The following MRPS15 variants were observed in gnomAD, a reference collection of about 807,000 sequenced individuals.
The protein encoded by MRPS15 is small ribosomal subunit protein uS15m.
A neutral mutation model predicts 30.7 loss-of-function variants in MRPS15; 25 were observed. The observed-to-expected ratio is 0.81, with a 90% CI of 0.59 to 1.14. The LOEUF is 1.14. MRPS15 is among the 50% of genes most tolerant of loss of function. The pLI, the probability that MRPS15 is intolerant of heterozygous loss-of-function variation, is 0.00. For missense variants in MRPS15, 313 were observed against 321.7 expected (o/e 0.97, Z 0.21); for synonymous variants, 124 against 120.1 (o/e 1.03, Z -0.21).
At chr1:36,457,881 C>T (rs770100847) in intron 6 of MRPS15, 42 bp downstream of exon 6, 3 of 1,599,984 alleles carry the variant, frequency 1.9e-6, no homozygotes, top group African/African-American at 1.3e-5. Flanking sequence ...CCCTTTCCCC[C>T]AGGCTGCTGC....
rs1650170979 is a variant in MRPS15 at position 36,464,336 on chromosome 1, C to A, written c.-61G>T. ...CCGCCGTTCGCTTTGCGGCACGGAC[C>A]GGGTTACATGGGCGCCGCCATGCTG... On this transcript the variant is annotated 5_prime_UTR_variant, in exon 1 of 8. Transcript: ENST00000373116. 3 of 1,575,576 alleles carry A rather than the reference C, an allele frequency of 1.9e-6. No homozygotes were observed. Among genetic ancestry groups the A allele is most frequent in the Non-Finnish European group, 2.6e-6 (3 of 1,160,316 alleles).
At chr1:36,464,036 C>T in intron 1 of MRPS15, 110 bp downstream of exon 1, 1 of 1,309,816 alleles carries the variant, frequency 7.6e-7, no homozygotes, top group Non-Finnish European at 1.0e-6. Flanking sequence ...ACCGCCCTTT[C>T]CCCCTTATCC....
intron 6 of MRPS15, chr1:36,456,631 A>G (rs1208314723): frequency 2.5e-6 from 1 of 398,064 alleles, no homozygotes; most frequent in Admixed American, 4.3e-5. Flanking sequence ...ATCTCTATCT[A>G]TTGGTCTGAC....
rs1392927782 is a variant in MRPS15, at chr1:36,464,140, C to T, written c.130+6G>A. 6.2e-7 allele frequency: 1 copy of T among 1,611,472 alleles called. No homozygotes were observed. The highest frequency in any genetic ancestry group is 2.2e-5 in the East Asian group (1 of 44,814). ...ACGCCCGCCGTCCCATTTCTCAGCT[C>T]CTCACTTCGAGGCTGCAGGCCCCAC... On this transcript the variant is annotated splice_donor_region_variant and intron_variant, in intron 1 of 7. Coordinates refer to ENST00000373116, the MANE Select transcript of MRPS15 (RefSeq NM_031280.4).
intron 6 of MRPS15, chr1:36,456,608 G>C (rs770048599): frequency 2.1e-6 from 1 of 476,700 alleles, no homozygotes; most frequent in Non-Finnish European, 3.7e-6. Flanking sequence ...TGAGTGCTGA[G>C]ATAGGGTCTT....
chr1:36,463,327 G>A (rs1459173489), intron 2 of MRPS15, among the ~76,000 whole-genome samples: 1 of 152,192 alleles, frequency 6.6e-6, no homozygotes, highest in African/African-American at 2.4e-5. Context: ...CGTTAAGGGT[G>A]CTTTTCGTGT....
chr1:36,459,929 T>C (rs985158148), intron 5 of MRPS15, among the ~76,000 whole-genome samples: 1 of 152,210 alleles, frequency 6.6e-6, no homozygotes, highest in Non-Finnish European at 1.5e-5. Flanking sequence ...CTGCCAGTTC[T>C]AGCCTGAACC....
chr1:36,463,726 C>T (rs1650144943), intron 2 of MRPS15, 80 bp downstream of exon 2: 1 of 1,507,578 alleles, frequency 6.6e-7, no homozygotes, highest in Non-Finnish European at 9.0e-7. Flanking sequence ...GGCTCTAATT[C>T]GCCACATCGG....
rs1289057859 is a variant in MRPS15 at position 36,456,250 on chromosome 1, G to T, written c.573C>A (p.Phe191Leu). 14 of 1,614,112 alleles carry T rather than the reference G, an allele frequency of 8.7e-6. No individual in the cohort carries two copies. Among genetic ancestry groups the T allele is most frequent in the Non-Finnish European group, 1.2e-5 (14 of 1,180,032 alleles). The change falls in exon 7 of 8, where the codon TTC becomes TTA. Residue 191 changes from phenylalanine to leucine, a missense_variant. Coordinates refer to ENST00000373116, the MANE Select transcript of MRPS15 (RefSeq NM_031280.4). ...ICWGLGIEYT[F>L]PPLYYRRAHR... ...GGGCTCTTCGGTAATACAGAGGGGG[G>T]AAGGTGTACTCAATTCCCAGCCCCC...
chr1:36,464,003 CTT>C, intron 1 of MRPS15, 141 bp downstream of exon 1: 1 of 1,504,422 alleles, frequency 6.6e-7, no homozygotes, highest in Non-Finnish European at 9.0e-7. Context: ...TCTCTCACAT[CTT>C]GTTTCACCTC....
Position 36,456,231 on chromosome 1 carries a change from T to C in MRPS15, c.592A>G (p.Arg198Gly). The part of the protein sequence containing the change: ...EYTFPPLYYR[R>G]AHRRFVTKKA... ...TTGGTCACGAATCGGCGGTGGGCTC[T>C]TCGGTAATACAGAGGGGGGAAGGTG... The change falls in exon 7 of 8, where the codon AGA (arginine) becomes GGA (glycine). Residue 198 changes from arginine (R) to glycine (G), a missense_variant. Physicochemically the swap from Arg to Gly is moderately radical, Grantham distance 125. Coordinates refer to ENST00000373116, the MANE Select transcript of MRPS15 (RefSeq NM_031280.4). 1.2e-6 allele frequency: 2 copies of C among 1,613,636 alleles called. No individual in the cohort carries two copies. The highest frequency in any genetic ancestry group is 1.7e-6 in the Non-Finnish European group (2 of 1,179,854).
chr1:36,455,886 CTCT>C lies in MRPS15; in HGVS notation c.673_675del (p.Arg225del), dbSNP rs1268602729. Reference sequence around the variant, plus strand: ...TGGGCTGCTGCTGCAGCCTTTAAGGCTCTTCTTCGCTTCTTCAGCTTTTGAGTC... The same window carrying C: ...TGGGCTGCTGCTGCAGCCTTTAAGGCTCTTCGCTTCTTCAGCTTTTGAGTC... On this transcript the variant is annotated inframe_deletion, in exon 8 of 8. Coordinates refer to ENST00000373116, the MANE Select transcript of MRPS15 (RefSeq NM_031280.4). 1.2e-6 allele frequency: 2 copies of C among 1,613,828 alleles called. No homozygotes were observed. The highest frequency in any genetic ancestry group is 1.7e-5 in the Admixed American group (1 of 59,934).
chr1:36,464,336 C>T lies in MRPS15; in HGVS notation c.-61G>A. 6.3e-7 allele frequency: 1 copy of T among 1,575,576 alleles called. No individual in the cohort carries two copies. The highest frequency in any genetic ancestry group is 2.3e-5 in the East Asian group (1 of 44,108). ...CCGCCGTTCGCTTTGCGGCACGGAC[C>T]GGGTTACATGGGCGCCGCCATGCTG... On this transcript the variant is annotated 5_prime_UTR_variant, in exon 1 of 8. Coordinates refer to ENST00000373116, the MANE Select transcript of MRPS15 (RefSeq NM_031280.4).
intron 6 of MRPS15, chr1:36,456,646 A>C (rs1650000599): frequency 2.8e-6 from 1 of 354,690 alleles, no homozygotes; most frequent in African/African-American, 2.1e-5. Context: ...TCTGACTTCA[A>C]ACCTCATGCT....
intron 3 of MRPS15, among the ~76,000 whole-genome samples, chr1:36,461,887 C>A (rs77010973): frequency 0.045 from 6,889 of 152,190 alleles, 219 homozygotes; most frequent in Middle Eastern, 0.12. Flanking sequence ...TACAAAAAAA[C>A]CCCCAAGTAG....
rs544149297 is a variant in MRPS15 at position 36,460,754 on chromosome 1, T to C, written c.323A>G (p.Gln108Arg). The C allele has an allele frequency of 5.9e-5, 96 of 1,614,134 alleles. No individual in the cohort carries two copies. The highest frequency in any genetic ancestry group is 7.6e-5 in the Non-Finnish European group (90 of 1,179,990). ...AACAATCTTCTTCATAAACTGTTCTTGCTTGATTTTTAGCATCTCCTTCTG... is the reference window on the plus strand; with the variant it reads ...AACAATCTTCTTCATAAACTGTTCTCGCTTGATTTTTAGCATCTCCTTCTG... ...ANKKEMLKIK[Q>R]EQFMKKIVAN... Residue 108 changes from glutamine to arginine, a missense_variant, in exon 5 of 8, where the codon CAA becomes CGA. Transcript: ENST00000373116.
rs1650031799 is a variant in MRPS15 at position 36,458,063 on chromosome 1, AG to A, written c.386-83del. 8.6e-7 allele frequency: 1 copy of A among 1,167,190 alleles called. No individual in the cohort carries two copies. Among genetic ancestry groups the A allele is most frequent in the South Asian group, 1.2e-5 (1 of 81,814 alleles). The allele number at this position is 1,167,190 out of a possible 1,614,324, so 72.3% of individuals were successfully genotyped here. A position where few individuals can be genotyped will look rare whatever the true frequency, so the allele number is the denominator to read the frequency against. On this transcript the variant is annotated intron_variant, in intron 5 of 7. Transcript: ENST00000373116. The surrounding 1 kb of genome is among the most constrained non-coding windows in gnomAD (Gnocchi z 4.5). ...GCCTGGTTTACGTTTTAAGAACTCA[AG>A]GAATAACAATCACCAATGCTCTGTA...
rs1354138213 is a variant in MRPS15, at chr1:36,464,080, C to T, written c.130+66G>A. 5.7e-6 allele frequency: 9 copies of T among 1,590,044 alleles called. 1 individual carries two copies. Among genetic ancestry groups the T allele is most frequent in the African/African-American group, 2.7e-5 (2 of 74,280 alleles). On this transcript the variant is annotated intron_variant, in intron 1 of 7. Coordinates refer to ENST00000373116, the MANE Select transcript of MRPS15 (RefSeq NM_031280.4). Reference sequence around the variant, plus strand: ...GTATATCTCCCCTACTCCTGTGCTTCCTTATTCCCTATCTTCGCCGAACCC... The same window carrying T: ...GTATATCTCCCCTACTCCTGTGCTTTCTTATTCCCTATCTTCGCCGAACCC...
At chr1:36,461,781 A>T (rs1280366140) in intron 3 of MRPS15, among the ~76,000 whole-genome samples, 1 of 152,198 alleles carries the variant, frequency 6.6e-6, no homozygotes, top group Non-Finnish European at 1.5e-5. Context: ...GGGGACATAC[A>T]GCTTTTGTGA....
Sources: allele counts gnomAD v4.1 joint callset (sites outside exome capture counted in the v4.1 genomes callset), GRCh38; gene constraint gnomAD v4.1.1; non-coding constraint Gnocchi (gnomAD v3.1); transcripts MANE v1.5; gene names NCBI Gene and HGNC (gene_info 2026-07-23, HGNC 2026-07-21).